Variants in KDM1B observed in about 807,000 individuals in gnomAD.
KDM1B encodes lysine-specific histone demethylase 2.
KDM1B carries 63 observed loss-of-function variants against 107.4 expected under a neutral mutation model. That is an observed-to-expected ratio of 0.59 (90% CI 0.48 to 0.72). The LOEUF (loss-of-function observed/expected upper bound fraction) is 0.72. Among genes scored for constraint, KDM1B ranks in the 30% least tolerant of loss-of-function variants. The pLI is 0.00. For synonymous variants in KDM1B, 363 were observed against 363.9 expected (o/e 1.00, Z 0.03); for missense variants, 749 against 1,020.8 (o/e 0.73, Z 3.63).
rs934442502 is a variant in KDM1B at position 18,204,521 on chromosome 6, T to C, written c.1532-1016T>C. Among the ~76,000 whole-genome samples the C allele has an allele frequency of 3.3e-5, 5 of 151,838 alleles. No homozygotes were observed. Among genetic ancestry groups the C allele is most frequent in the Admixed American group, 2.6e-4 (4 of 15,228 alleles). On this transcript the variant is annotated intron_variant, in intron 14 of 21. Coordinates refer to ENST00000650836, the MANE Select transcript of KDM1B (RefSeq NM_001364614.2). This position sits in a 1 kb window ranked among gnomAD's most constrained non-coding sequence, Gnocchi z 4.9. ...CACCACCAGAAAAAGAAACGTGGAG[T>C]CTGTGATACATGTTTTGGATGGTTG...
rs753054338 is a variant in KDM1B, at chr6:18,207,380, A to G, written c.1660-18A>G. The G allele has an allele frequency of 3.8e-5, 62 of 1,613,342 alleles. No individual in the cohort carries two copies. Among genetic ancestry groups the G allele is most frequent in the African/African-American group, 6.7e-5 (5 of 74,840 alleles). ...AAGGATTTACACTGCTGTGTCCCCA[A>G]CCTCTCTTGTTTCCCAGGTATCTGC... On this transcript the variant is annotated intron_variant, in intron 15 of 21. Transcript: ENST00000650836.
chr6:18,183,148 G>C (rs1786591531), intron 7 of KDM1B, among the ~76,000 whole-genome samples: 1 of 151,504 alleles, frequency 6.6e-6, no homozygotes, highest in Non-Finnish European at 1.5e-5. Context: ...CTCAGTTGAA[G>C]AAACAGAGCA....
rs943022463 is a variant in KDM1B, at chr6:18,162,002, G to A, written c.215+548G>A. Among the ~76,000 whole-genome samples the A allele has an allele frequency of 6.6e-6, 1 of 151,554 alleles. No homozygotes were observed. The highest frequency in any genetic ancestry group is 2.4e-5 in the African/African-American group (1 of 41,198). On this transcript the variant is annotated intron_variant, in intron 4 of 21. Coordinates refer to ENST00000650836, the MANE Select transcript of KDM1B (RefSeq NM_001364614.2). This position sits in a 1 kb window ranked among gnomAD's most constrained non-coding sequence, Gnocchi z 4.1. ...TTAAGGGTTAAGGTTCAATAAAATC[G>A]AGAAAACAAATCCTATTTGTTTTTA...
intron 7 of KDM1B, 89 bp downstream of exon 7, chr6:18,171,568 G>C (rs757901072): frequency 1.7e-5 from 13 of 768,564 alleles, no homozygotes; most frequent in Non-Finnish European, 2.8e-5. Context: ...GTATTGTGTT[G>C]ATCATTCTGT....
chr6:18,197,230 C>G lies in KDM1B; in HGVS notation c.1143C>G (p.His381Gln). The G allele has an allele frequency of 6.2e-7, 1 of 1,612,940 alleles. No individual in the cohort carries two copies. Residue 381 changes from histidine (H) to glutamine (Q), a missense_variant, in exon 11 of 22, where the codon CAC becomes CAG. By Grantham distance (24) the His-to-Gln change is conservative. Transcript: ENST00000650836. The surrounding 1 kb of genome is among the most constrained non-coding windows in gnomAD (Gnocchi z 4.5). ...AGTATCTTCTCCCTAAGGACTACCA[C>G]AATGTAGGTGATTATAGCTTTAGCG... ...ADQYLLPKDY[H>Q]NKSVIIIGAG...
Position 18,201,573 on chromosome 6 carries a change from A to G in KDM1B, c.1447A>G (p.Met483Val). 5 of 1,550,256 alleles carry G rather than the reference A, an allele frequency of 3.2e-6. No individual in the cohort carries two copies. The highest frequency in any genetic ancestry group is 1.4e-5 in the African/African-American group (1 of 73,146). The change falls in exon 14 of 22, where the codon ATG (methionine) becomes GTG (valine). Residue 483 changes from methionine (M) to valine (V), a missense_variant. Transcript: ENST00000650836. This position sits in a 1 kb window ranked among gnomAD's most constrained non-coding sequence, Gnocchi z 4.3. ...RITDPTIDKR[M>V]DFHFNALLDV... ...AACTGACCCCACTATTGACAAGCGC[A>G]TGGATTTTCATTTTAATGCTCTCTT... is the stretch of plus-strand genomic sequence containing the variant.
chr6:18,194,483 G>A lies in KDM1B; in HGVS notation c.970-2574G>A, dbSNP rs572301068. Among the ~76,000 whole-genome samples, 13 of 152,254 alleles carry A rather than the reference G, an allele frequency of 8.5e-5. No individual in the cohort carries two copies. In the South Asian group the frequency reaches 2.5e-3, roughly 29 times the overall value. ...CAGTCGTTCTTGCTCAGGGAAAACC[G>A]ACACGATAAAGTGTAAATTGCTATA... is the stretch of plus-strand genomic sequence containing the variant. On this transcript the variant is annotated intron_variant, in intron 10 of 21. Transcript: ENST00000650836.
chr6:18,168,296 A>G lies in KDM1B; in HGVS notation c.417+1918A>G, dbSNP rs78431595. 9.9e-3 allele frequency among the ~76,000 whole-genome samples: 1,502 copies of G among 152,274 alleles called. 23 individuals carry two copies. Among genetic ancestry groups the G allele is most frequent in the African/African-American group, 0.035 (1,440 of 41,558 alleles). ...CTACCCCCAGTTCCTGGTAACCGCT[A>G]ATCTGCTTTCTGTGTTTATGGATTT... On this transcript the variant is annotated intron_variant, in intron 6 of 21. Transcript: ENST00000650836.
chr6:18,196,986 GT>G (rs1787691683), intron 10 of KDM1B, 70 bp from the exon 11 acceptor site: 1 of 1,367,064 alleles, frequency 7.3e-7, no homozygotes, highest in African/African-American at 1.4e-5. Flanking sequence ...TAAATGGATT[GT>G]TTTCCTGCTA....
rs214603 is a variant in KDM1B, at chr6:18,205,820, T to C, written c.1659+156T>C. On this transcript the variant is annotated intron_variant, in intron 15 of 21. Coordinates refer to ENST00000650836, the MANE Select transcript of KDM1B (RefSeq NM_001364614.2). This position sits in a 1 kb window ranked among gnomAD's most constrained non-coding sequence, Gnocchi z 5.7. ...CATCCTGGCCAACATGGTGAAACCC[T>C]GTCTCTACTAAAATACAAAAAATTA... Among the ~76,000 whole-genome samples, 72,729 of 151,768 alleles carry C rather than the reference T, an allele frequency of 0.48. 18,517 individuals carry two copies. Among genetic ancestry groups the C allele is most frequent in the African/African-American group, 0.65 (26,839 of 41,378 alleles).
intron 6 of KDM1B, among the ~76,000 whole-genome samples, chr6:18,166,671 AC>A (rs1173343403): frequency 2.6e-5 from 4 of 151,664 alleles, no homozygotes; most frequent in Non-Finnish European, 5.9e-5. Flanking sequence ...TCATAGTAAG[AC>A]CCCATCTTTA....
intron 7 of KDM1B, among the ~76,000 whole-genome samples, chr6:18,185,019 T>G (rs573428109): frequency 1.3e-5 from 2 of 152,008 alleles, no homozygotes; most frequent in Non-Finnish European, 2.9e-5. Context: ...CATGAGCCAC[T>G]GAGCCTGGCC....
rs1788341015 is a variant in KDM1B at position 18,205,967 on chromosome 6, G to C, written c.1659+303G>C. Among the ~76,000 whole-genome samples, 2 of 151,636 alleles carry C rather than the reference G, an allele frequency of 1.3e-5. No homozygotes were observed. ...GGATCGCGCCACTGCACTCCAGCCT[G>C]GAGTCTCAAAATAAATAAATAAATA... On this transcript the variant is annotated intron_variant, in intron 15 of 21. Coordinates refer to ENST00000650836, the MANE Select transcript of KDM1B (RefSeq NM_001364614.2). This position sits in a 1 kb window ranked among gnomAD's most constrained non-coding sequence, Gnocchi z 5.7.
intron 9 of KDM1B, among the ~76,000 whole-genome samples, chr6:18,188,909 G>A (rs762588999): frequency 6.6e-6 from 1 of 151,566 alleles, no homozygotes; most frequent in East Asian, 1.9e-4. Context: ...TCAGTCTCCC[G>A]AGTAGCTGGG....
At chr6:18,188,200 C>A (rs1787003158) in intron 9 of KDM1B, among the ~76,000 whole-genome samples, 198 bp downstream of exon 9, 1 of 152,120 alleles carries the variant, frequency 6.6e-6, no homozygotes, top group Non-Finnish European at 1.5e-5. Context: ...GTCTGGGCAA[C>A]ATAGCGAGAT....
chr6:18,194,883 A>G (rs1787541714), intron 10 of KDM1B, among the ~76,000 whole-genome samples: 2 of 152,172 alleles, frequency 1.3e-5, no homozygotes, highest in African/African-American at 4.8e-5. Context: ...ACCACTATCT[A>G]GTTCCAGAAC....
intron 6 of KDM1B, among the ~76,000 whole-genome samples, chr6:18,170,729 C>T (rs993789243): frequency 2.0e-5 from 3 of 152,194 alleles, no homozygotes; most frequent in African/African-American, 7.2e-5. Context: ...GTCTGCCTGC[C>T]TCAGCCTCCT....
intron 17 of KDM1B, among the ~76,000 whole-genome samples, chr6:18,208,811 A>ATT (rs374269145): frequency 3.0e-5 from 4 of 131,180 alleles, no homozygotes; most frequent in African/African-American, 1.1e-4. Context: ...CGCCTGGCTA[A>ATT]TTTTTTTTTT....
Position 18,201,076 on chromosome 6 carries a change from A to G in KDM1B, c.1360-410A>G, listed in dbSNP as rs1210321853. On this transcript the variant is annotated intron_variant, in intron 13 of 21. Transcript: ENST00000650836. The surrounding 1 kb of genome is among the most constrained non-coding windows in gnomAD (Gnocchi z 4.3). ...TTTATTTGAAGAGTTGGTAGGCCCA[A>G]GACTTTTTCTGAAATGTTTATTGAT... Among the ~76,000 whole-genome samples the G allele has an allele frequency of 6.6e-6, 1 of 152,226 alleles. No individual in the cohort carries two copies. The highest frequency in any genetic ancestry group is 2.4e-5 in the African/African-American group (1 of 41,446).
Sources: allele counts gnomAD v4.1 joint callset (sites outside exome capture counted in the v4.1 genomes callset), GRCh38; gene constraint gnomAD v4.1.1; non-coding constraint Gnocchi (gnomAD v3.1); transcripts MANE v1.5; gene names NCBI Gene and HGNC (gene_info 2026-07-23, HGNC 2026-07-21).